NFAT5: variants seen among roughly 807,000 people sequenced by gnomAD.
The protein encoded by NFAT5 is nuclear factor of activated T cells 5, also known as nuclear factor of activated T-cells 5.
Under a neutral mutation model 166.5 loss-of-function variants are expected in NFAT5, and 31 were observed. The ratio of observed to expected loss-of-function variants is 0.19; its 90% CI spans 0.14 to 0.25. The LOEUF (loss-of-function observed/expected upper bound fraction) is 0.25. NFAT5 is among the 10% of genes least tolerant of loss of function. NFAT5 has a pLI of 1.00. For missense variants in NFAT5, 1,449 were observed against 1,821.8 expected, an observed-to-expected ratio of 0.80 and a Z score of 3.72; for synonymous variants, 612 against 639.7, an observed-to-expected ratio of 0.96 and a Z score of 0.65.
At chr16:69,616,651 C>T (rs2151564976) in intron 2 of NFAT5, among the ~76,000 whole-genome samples, 1 of 152,266 alleles carries the variant, frequency 6.6e-6, no homozygotes, top group Non-Finnish European at 1.5e-5. Context: ...CCTGAGCCAT[C>T]CTCCCCTGCA....
At chr16:69,618,413 C>G (rs1000182960) in intron 2 of NFAT5, among the ~76,000 whole-genome samples, 3 of 152,180 alleles carry the variant, frequency 2.0e-5, no homozygotes, top group Non-Finnish European at 2.9e-5. Flanking sequence ...TATTCTTGGA[C>G]TGCATACTCT....
intron 5 of NFAT5, among the ~76,000 whole-genome samples, chr16:69,654,770 CATT>C (rs987399498): frequency 6.6e-5 from 10 of 152,176 alleles, no homozygotes; most frequent in African/African-American, 2.4e-4. Flanking sequence ...TTATTTTCCT[CATT>C]ATGATACCAT....
chr16:69,579,168 C>T (rs1182186073), intron 2 of NFAT5, among the ~76,000 whole-genome samples: 2 of 152,168 alleles, frequency 1.3e-5, no homozygotes, highest in African/African-American at 4.8e-5. Flanking sequence ...GCCACTGCGC[C>T]TGGCCATAAG....
At position 69,697,386 on chromosome 16, in the gene NFAT5, T is replaced by A. The variant is rs1026442242; in HGVS notation, c.*1035T>A. ...GAGTTGATTCCTGAGAAACAACACA[T>A]TTTTCCCCATGAACGGTGCTGTTCT... On this transcript the variant is annotated 3_prime_UTR_variant, in exon 15 of 15. Transcript: ENST00000349945. The A allele has an allele frequency of 6.6e-6, 1 of 152,078 alleles. No homozygotes were observed. The highest frequency in any genetic ancestry group is 1.9e-4 in the East Asian group (1 of 5,188). The allele number at this position is 152,078 out of a possible 1,614,324, so 9.4% of individuals were successfully genotyped here.
chr16:69,698,134 TC>T lies in NFAT5; in HGVS notation c.*1784del, dbSNP rs994454029. 1 of 151,966 alleles carries T rather than the reference TC, an allele frequency of 6.6e-6. No individual in the cohort carries two copies. Among genetic ancestry groups the T allele is most frequent in the Non-Finnish European group, 1.5e-5 (1 of 68,006 alleles). 9.4% of individuals were successfully genotyped at this position (151,966 alleles called of 1,614,324 possible). A position where few individuals can be genotyped will look rare whatever the true frequency, so the allele number is the denominator to read the frequency against. On this transcript the variant is annotated 3_prime_UTR_variant, in exon 15 of 15. Transcript: ENST00000349945. ...CTCCACCTCCACCCCTTTCTTTCTT[TC>T]TCTCTCTGATTGAGAGGCATTGAAT...
At chr16:69,681,006 C>T (rs143428247) in intron 10 of NFAT5, among the ~76,000 whole-genome samples, 1,758 of 152,214 alleles carry the variant, frequency 0.012, 26 homozygotes, top group African/African-American at 0.037. Context: ...GTGATCCGCC[C>T]GCCTCAGCCT....
chr16:69,570,542 T>C (rs1222229879), intron 2 of NFAT5, among the ~76,000 whole-genome samples: 1 of 146,084 alleles, frequency 6.8e-6, no homozygotes, highest in African/African-American at 2.5e-5. Flanking sequence ...TGTATTACAG[T>C]GACTTTCTTA....
intron 5 of NFAT5, among the ~76,000 whole-genome samples, chr16:69,654,410 C>CA (rs1401476818): frequency 6.6e-6 from 1 of 152,142 alleles, no homozygotes; most frequent in African/African-American, 2.4e-5. Flanking sequence ...TGTTAATAGT[C>CA]ACGTGTACAA....
At chr16:69,621,877 C>G (rs1241723474) in intron 2 of NFAT5, among the ~76,000 whole-genome samples, 5 of 152,102 alleles carry the variant, frequency 3.3e-5, no homozygotes, top group Admixed American at 2.0e-4. Context: ...GCAGGAGGAT[C>G]TCTTGAGCTC....
intron 2 of NFAT5, among the ~76,000 whole-genome samples, chr16:69,588,921 C>A (rs1256176390): frequency 2.0e-5 from 3 of 150,170 alleles, no homozygotes; most frequent in Middle Eastern, 3.5e-3. Flanking sequence ...AAAGAAAGAC[C>A]AGGGCATTAC....
chr16:69,674,848 G>C (rs1307212099), intron 9 of NFAT5, among the ~76,000 whole-genome samples: 3 of 152,170 alleles, frequency 2.0e-5, no homozygotes, highest in Non-Finnish European at 4.4e-5. Context: ...AAAGTTATTT[G>C]AATCTAAGCA....
intron 2 of NFAT5, among the ~76,000 whole-genome samples, chr16:69,594,916 G>A (rs2032702134): frequency 6.6e-6 from 1 of 152,116 alleles, no homozygotes; most frequent in African/African-American, 2.4e-5. Flanking sequence ...GACATTCGAG[G>A]GCAGGAAACA....
intron 2 of NFAT5, among the ~76,000 whole-genome samples, chr16:69,594,679 GT>G (rs1352610805): frequency 1.3e-5 from 2 of 152,150 alleles, no homozygotes; most frequent in Non-Finnish European, 2.9e-5. Context: ...CTGTGATAAA[GT>G]TTAATTTATA....
At chr16:69,660,815 T>A (rs934465956) in intron 7 of NFAT5, among the ~76,000 whole-genome samples, 1 of 152,046 alleles carries the variant, frequency 6.6e-6, no homozygotes, top group Non-Finnish European at 1.5e-5. Flanking sequence ...TCTCTCTTTT[T>A]TTTTTCTTTT....
chr16:69,664,809 C>T (rs1384711665), intron 7 of NFAT5, among the ~76,000 whole-genome samples: 1 of 152,094 alleles, frequency 6.6e-6, no homozygotes, highest in Non-Finnish European at 1.5e-5. Flanking sequence ...GGGCCCATTA[C>T]CTGAGGTCAG....
At chr16:69,681,566 A>G (rs543857350) in intron 10 of NFAT5, among the ~76,000 whole-genome samples, 2 of 152,260 alleles carry the variant, frequency 1.3e-5, no homozygotes, top group South Asian at 2.1e-4. Flanking sequence ...TACCTTAATC[A>G]GTGTTTCCAC....
Position 69,566,566 on chromosome 16 carries a change from GGCCCCTCCCCCGCGGAGCCGCC to G in NFAT5, c.73+194_73+215del, listed in dbSNP as rs2016052363. Among the ~76,000 whole-genome samples the G allele has an allele frequency of 6.6e-6, 1 of 152,010 alleles. No individual in the cohort carries two copies. Among genetic ancestry groups the G allele is most frequent in the African/African-American group, 2.4e-5 (1 of 41,428 alleles). ...TGGAGGGGGCGGGCGGAGCAGTGGC[GGCCCCTCCCCCGCGGAGCCGCC>G]GGCCGCTCGGGGCCCAGATTCCGTC... is the stretch of plus-strand genomic sequence containing the variant. On this transcript the variant is annotated intron_variant, in intron 1 of 14. Transcript: ENST00000349945. This position sits in a 1 kb window ranked among gnomAD's most constrained non-coding sequence, Gnocchi z 5.7.
intron 2 of NFAT5, among the ~76,000 whole-genome samples, chr16:69,599,668 T>C (rs2033019054): frequency 6.6e-6 from 1 of 152,314 alleles, no homozygotes; most frequent in Admixed American, 6.5e-5. Flanking sequence ...ATGATCATAG[T>C]GATTTTTGAG....
chr16:69,649,640 A>T, intron 4 of NFAT5: 1 of 740,086 alleles, frequency 1.4e-6, no homozygotes, highest in Non-Finnish European at 1.6e-6. Flanking sequence ...TATAACAACT[A>T]TATTGAGGAA....
Sources: gnomAD v4.1 joint callset for allele counts (sites outside exome capture counted in the v4.1 genomes callset) on GRCh38, gnomAD v4.1.1 for gene constraint, Gnocchi (gnomAD v3.1) non-coding constraint, MANE v1.5 for transcripts, NCBI Gene and HGNC (gene_info 2026-07-23, HGNC 2026-07-21) for gene names.